Variants in SLC31A1 observed in about 807,000 individuals in gnomAD.
The protein encoded by SLC31A1 is high affinity copper uptake protein 1.
Under a neutral mutation model 17.2 loss-of-function variants are expected in SLC31A1, and 5 were observed. That is an observed-to-expected ratio of 0.29 (90% CI 0.15 to 0.61). The LOEUF is 0.61. SLC31A1 is among the 20% of genes least tolerant of loss of function. The pLI, the probability that SLC31A1 is intolerant of heterozygous loss-of-function variation, is 0.86. For synonymous variants in SLC31A1, 76 were observed against 78.8 expected, an observed-to-expected ratio of 0.96 and a Z score of 0.19; for missense variants, 161 against 241.4, an observed-to-expected ratio of 0.67 and a Z score of 2.21.
intron 4 of SLC31A1, among the ~76,000 whole-genome samples, chr9:113,259,114 G>A (rs995740501): frequency 6.6e-6 from 1 of 152,056 alleles, no homozygotes; most frequent in African/African-American, 2.4e-5. Context: ...GGGAAGTGAG[G>A]AATCCATATT....
intron 1 of SLC31A1, among the ~76,000 whole-genome samples, chr9:113,245,682 A>C (rs951108708): frequency 2.0e-4 from 30 of 151,528 alleles, no homozygotes; most frequent in African/African-American, 6.1e-4. Flanking sequence ...CCCAGGCTGG[A>C]GTGCATGGCA....
chr9:113,257,979 C>G (rs563493157), intron 3 of SLC31A1, among the ~76,000 whole-genome samples: 1 of 152,286 alleles, frequency 6.6e-6, no homozygotes, highest in East Asian at 1.9e-4. Context: ...GGACCCAGAC[C>G]TTCTAGAGCT....
chr9:113,237,542 C>G (rs192229445), intron 1 of SLC31A1, among the ~76,000 whole-genome samples: 1 of 152,076 alleles, frequency 6.6e-6, no homozygotes, highest in East Asian at 1.9e-4. Context: ...AACATAAAGA[C>G]AGGAGATAGT....
chr9:113,223,201 C>T (rs1564200515), intron 1 of SLC31A1: 1 of 442,984 alleles, frequency 2.3e-6, no homozygotes. Flanking sequence ...GTGATTGGAA[C>T]ATCACGAACA....
At chr9:113,230,879 C>A (rs1831395077) in intron 1 of SLC31A1, among the ~76,000 whole-genome samples, 1 of 152,124 alleles carries the variant, frequency 6.6e-6, no homozygotes, top group Non-Finnish European at 1.5e-5. Context: ...CATCTCACCT[C>A]CCTCATTCTC....
In SLC31A1 at chr9:113,224,295, T is replaced by A. The variant is rs1016301691; in HGVS notation, c.-36+2617T>A. ...TACGTTATCTATGGTATTTTTAACA[T>A]GGAATGAATACTTAAAGTCACTTGC... On this transcript the variant is annotated intron_variant, in intron 1 of 4. Coordinates refer to ENST00000374212, the MANE Select transcript of SLC31A1 (RefSeq NM_001859.4). Among the ~76,000 whole-genome samples, 13 of 152,218 alleles carry A rather than the reference T, an allele frequency of 8.5e-5. 1 individual carries two copies. The highest frequency in any genetic ancestry group is 2.9e-4 in the African/African-American group (12 of 41,452).
In SLC31A1 at chr9:113,260,598, C is replaced by A; in HGVS notation, c.*125C>A. On this transcript the variant is annotated 3_prime_UTR_variant, in exon 5 of 5. Coordinates refer to ENST00000374212, the MANE Select transcript of SLC31A1 (RefSeq NM_001859.4). Reference sequence around the variant, plus strand: ...GTGCACGTACACACACACACACACACACACACACACACACCCCTGCTCAAC... The same window carrying A: ...GTGCACGTACACACACACACACACAAACACACACACACACCCCTGCTCAAC... The A allele has an allele frequency of 1.4e-6, 1 of 737,526 alleles. No individual in the cohort carries two copies. Among genetic ancestry groups the A allele is most frequent in the Admixed American group, 2.0e-5 (1 of 50,066 alleles). The allele number at this position is 737,526 out of a possible 1,614,324, so 45.7% of individuals were successfully genotyped here.
chr9:113,262,265 AATTAC>A lies in SLC31A1; in HGVS notation c.*1799_*1803del, dbSNP rs1361690853. On this transcript the variant is annotated 3_prime_UTR_variant, in exon 5 of 5. Coordinates refer to ENST00000374212, the MANE Select transcript of SLC31A1 (RefSeq NM_001859.4). The stretch of plus-strand genomic sequence containing the variant: ...TCATCTTTGTTATTCGTGGGGGTTT[AATTAC>A]ATTACAAGTGGCCAAAACCCCTGTT... 2.6e-5 allele frequency: 4 copies of A among 152,656 alleles called. No individual in the cohort carries two copies. Among genetic ancestry groups the A allele is most frequent in the Admixed American group, 6.5e-5 (1 of 15,286 alleles). 9.5% of individuals were successfully genotyped at this position (152,656 alleles called of 1,614,324 possible). A position where few individuals can be genotyped will look rare whatever the true frequency, so the allele number is the denominator to read the frequency against.
chr9:113,264,229 G>T lies in SLC31A1; in HGVS notation c.*3756G>T. On this transcript the variant is annotated 3_prime_UTR_variant, in exon 5 of 5. Transcript: ENST00000374212. ...CTCGGGAGGCTGAGGCAGGAGAATC[G>T]CTTGAACCCAGGAGGCGGAGGTTGC... The T allele has an allele frequency of 6.6e-6, 1 of 151,784 alleles. No homozygotes were observed. The allele number at this position is 151,784 out of a possible 1,614,324, so 9.4% of individuals were successfully genotyped here.
chr9:113,243,638 C>T (rs1831545582), intron 1 of SLC31A1, among the ~76,000 whole-genome samples: 1 of 152,108 alleles, frequency 6.6e-6, no homozygotes, highest in Non-Finnish European at 1.5e-5. Context: ...ATTCAAACTC[C>T]CAGGCTCCAG....
intron 1 of SLC31A1, among the ~76,000 whole-genome samples, chr9:113,247,373 G>C (rs1029268442): frequency 1.1e-4 from 16 of 152,288 alleles, no homozygotes; most frequent in Middle Eastern, 3.4e-3. Flanking sequence ...CTAGAGAAAA[G>C]AGCCCATGTG....
At chr9:113,253,125 T>A (rs1831678384) in intron 1 of SLC31A1, among the ~76,000 whole-genome samples, 1 of 152,016 alleles carries the variant, frequency 6.6e-6, no homozygotes, top group Non-Finnish European at 1.5e-5. Flanking sequence ...GGCTAATTTT[T>A]TTGTGTTTTT....
At chr9:113,246,963 TA>T (rs774873390) in intron 1 of SLC31A1, among the ~76,000 whole-genome samples, 6 of 152,266 alleles carry the variant, frequency 3.9e-5, no homozygotes, top group East Asian at 3.9e-4. Flanking sequence ...AATTCACCTA[TA>T]GGGGCAATCA....
rs183737990 is a variant in SLC31A1 at position 113,237,701 on chromosome 9, A to G, written c.-36+16023A>G. The stretch of plus-strand genomic sequence containing the variant: ...CCTCAGTTTTCCATCTGAAAAATGA[A>G]TAACTATTCTTGTTTAATCTAGGCC... On this transcript the variant is annotated intron_variant, in intron 1 of 4. Transcript: ENST00000374212. Among the ~76,000 whole-genome samples the G allele has an allele frequency of 1.2e-3, 186 of 152,346 alleles. 3 individuals are homozygous for G. Among genetic ancestry groups the G allele is most frequent in the Non-Finnish European group, 7.2e-4 (49 of 68,040 alleles).
chr9:113,256,262 CAGCATG>C lies in SLC31A1; in HGVS notation c.116_121del (p.Ser39_Met40del). On this transcript the variant is annotated inframe_deletion, in exon 2 of 5. Coordinates refer to ENST00000374212, the MANE Select transcript of SLC31A1 (RefSeq NM_001859.4). ...CACACTCCCATGGTGGAGGAGACAG[CAGCATG>C]ATGATGATGGTGAGTGCCATAGGAG... The C allele has an allele frequency of 6.2e-7, 1 of 1,613,984 alleles. No individual in the cohort carries two copies. Among genetic ancestry groups the C allele is most frequent in the Non-Finnish European group, 8.5e-7 (1 of 1,179,968 alleles).
At chr9:113,250,716 G>GT (rs1831641475) in intron 1 of SLC31A1, among the ~76,000 whole-genome samples, 1 of 151,606 alleles carries the variant, frequency 6.6e-6, no homozygotes, top group South Asian at 2.1e-4. Flanking sequence ...AATCCTAAGG[G>GT]TTTTTTTATT....
In SLC31A1 at chr9:113,262,759, TA is replaced by T. The variant is rs901874022; in HGVS notation, c.*2290del. 2.8e-4 allele frequency: 43 copies of T among 152,750 alleles called. No individual in the cohort carries two copies. Among genetic ancestry groups the T allele is most frequent in the African/African-American group, 1.0e-3 (42 of 41,582 alleles). The allele number at this position is 152,750 out of a possible 1,614,324, so 9.5% of individuals were successfully genotyped here. Reference sequence around the variant, plus strand: ...CCTGTTGTCTAAAGCCAAGGAGTCATAAAACCATGAGAAATAAATAGGAATC... The same window carrying T: ...CCTGTTGTCTAAAGCCAAGGAGTCATAAACCATGAGAAATAAATAGGAATC... On this transcript the variant is annotated 3_prime_UTR_variant, in exon 5 of 5. Transcript: ENST00000374212.
Position 113,263,828 on chromosome 9 carries a change from C to G in SLC31A1, c.*3355C>G, listed in dbSNP as rs1163463886. 6.6e-6 allele frequency: 1 copy of G among 152,152 alleles called. No homozygotes were observed. Among genetic ancestry groups the G allele is most frequent in the African/African-American group, 2.4e-5 (1 of 41,420 alleles). 9.4% of individuals were successfully genotyped at this position (152,152 alleles called of 1,614,324 possible). A position where few individuals can be genotyped will look rare whatever the true frequency, so the allele number is the denominator to read the frequency against. On this transcript the variant is annotated 3_prime_UTR_variant, in exon 5 of 5. Coordinates refer to ENST00000374212, the MANE Select transcript of SLC31A1 (RefSeq NM_001859.4). ...CCACAAATGGAATCCTCACTGTATC[C>G]ACTAGGAGATTAGAAATTAAGGTTT...
rs1831749622 is a variant in SLC31A1 at position 113,258,206 on chromosome 9, C to G, written c.203-488C>G. Among the ~76,000 whole-genome samples the G allele has an allele frequency of 6.6e-6, 1 of 152,150 alleles. No individual in the cohort carries two copies. The highest frequency in any genetic ancestry group is 1.5e-5 in the Non-Finnish European group (1 of 68,038). On this transcript the variant is annotated intron_variant, in intron 3 of 4. Coordinates refer to ENST00000374212, the MANE Select transcript of SLC31A1 (RefSeq NM_001859.4). The surrounding 1 kb of genome is among the most constrained non-coding windows in gnomAD (Gnocchi z 4.8). ...AGATGTCTGTTTGGAGCCATAAAAT[C>G]AATTTGTTTTGGGAAGAAGGAGAGC...
Sources: allele counts gnomAD v4.1 joint callset (sites outside exome capture counted in the v4.1 genomes callset), GRCh38; gene constraint gnomAD v4.1.1; non-coding constraint Gnocchi (gnomAD v3.1); transcripts MANE v1.5; gene names NCBI Gene and HGNC (gene_info 2026-07-23, HGNC 2026-07-21).